Variants in SYNCRIP observed in about 807,000 individuals in gnomAD.
SYNCRIP encodes synaptotagmin binding cytoplasmic RNA interacting protein.
In SYNCRIP, 9 loss-of-function variants were observed where a neutral mutation model predicts 68.9. The ratio of observed to expected loss-of-function variants is 0.13; its 90% CI spans 0.08 to 0.23. SYNCRIP has a LOEUF of 0.23. SYNCRIP is among the 10% of genes least tolerant of loss of function. SYNCRIP has a pLI of 1.00. For missense variants in SYNCRIP, 414 were observed against 770.6 expected (o/e 0.54, Z 5.48); for synonymous variants, 258 against 254.0 (o/e 1.02, Z -0.15).
At chr6:85,612,656 A>G (rs1033313601), downstream of SYNCRIP, 6 of 377,032 alleles carry the variant, frequency 1.6e-5, no homozygotes, top group African/African-American at 1.0e-4. Context: ...TTGAAAATAG[A>G]GTAGCTTTAG....
downstream of SYNCRIP, chr6:85,612,186 A>C (rs1805303961): frequency 6.6e-6 from 1 of 152,150 alleles, no homozygotes; most frequent in South Asian, 2.1e-4. Context: ...CCCTCATATC[A>C]TATTTAACAA....
At chr6:85,613,308 A>G (rs1047359914), downstream of SYNCRIP, among the ~76,000 whole-genome samples, 11 of 152,352 alleles carry the variant, frequency 7.2e-5, no homozygotes, top group Admixed American at 4.6e-4. Context: ...TGCTGAAAGC[A>G]AACATCTCAG....
chr6:85,616,451 G>A (rs1005248800), intron 10 of SYNCRIP, among the ~76,000 whole-genome samples: 2 of 152,028 alleles, frequency 1.3e-5, no homozygotes, highest in Admixed American at 6.6e-5. Context: ...ACAGCCTCTC[G>A]AGTAGCTGGG....
At chr6:85,622,077 A>C (rs1044469471) in intron 8 of SYNCRIP, among the ~76,000 whole-genome samples, 4 of 151,916 alleles carry the variant, frequency 2.6e-5, no homozygotes, top group African/African-American at 9.7e-5. Flanking sequence ...GGTTTAAAAA[A>C]AAATGTGTCC....
chr6:85,622,905 T>C (rs1036569691), intron 7 of SYNCRIP, among the ~76,000 whole-genome samples: 5 of 152,342 alleles, frequency 3.3e-5, no homozygotes, highest in Non-Finnish European at 5.9e-5. Context: ...GAAAAGAACA[T>C]GTGCTCTTTT....
At chr6:85,640,781 T>C (rs1158465899) in intron 2 of SYNCRIP, among the ~76,000 whole-genome samples, 2 of 152,124 alleles carry the variant, frequency 1.3e-5, no homozygotes, top group African/African-American at 2.4e-5. Context: ...CTAACTTCTT[T>C]TACATCTTTT....
At chr6:85,632,440 A>C (rs188270154) in intron 6 of SYNCRIP, among the ~76,000 whole-genome samples, 5 of 152,338 alleles carry the variant, frequency 3.3e-5, no homozygotes, top group Non-Finnish European at 7.3e-5. Context: ...GATAGCTTCC[A>C]AAGTATGCGC....
chr6:85,623,808 T>C (rs1386424529), intron 7 of SYNCRIP, among the ~76,000 whole-genome samples, 169 bp downstream of exon 7: 1 of 152,186 alleles, frequency 6.6e-6, no homozygotes, highest in Non-Finnish European at 1.5e-5. Flanking sequence ...CCCAAATCCC[T>C]GAATGCCTGT....
chr6:85,640,026 G>A (rs781772609), intron 4 of SYNCRIP, among the ~76,000 whole-genome samples, 195 bp downstream of exon 4: 2 of 151,930 alleles, frequency 1.3e-5, no homozygotes, highest in Non-Finnish European at 2.9e-5. Flanking sequence ...ATCAGTAGCT[G>A]GATAACATGA....
chr6:85,619,041 G>C lies in SYNCRIP; in HGVS notation c.1159-102C>G, dbSNP rs1649833688. 9 of 1,282,518 alleles carry C rather than the reference G, an allele frequency of 7.0e-6. No homozygotes were observed. The East Asian group carries it at 1.9e-4, about 27-fold the overall frequency. The allele number at this position is 1,282,518 out of a possible 1,614,324, so 79.4% of individuals were successfully genotyped here. On this transcript the variant is annotated intron_variant, in intron 9 of 10. Transcript: ENST00000369622. ...TATCATTAATGTGGGAAGGACAAGA[G>C]AAAGCCCCATGCAGGCAGTCAAATA...
intron 6 of SYNCRIP, among the ~76,000 whole-genome samples, chr6:85,629,247 A>G (rs1424430182): frequency 6.6e-6 from 1 of 151,966 alleles, no homozygotes; most frequent in East Asian, 1.9e-4. Context: ...GACAACCCTA[A>G]TCCAGTCTCC....
At position 85,628,682 on chromosome 6, in the gene SYNCRIP, T is replaced by C. The variant is rs558912113; in HGVS notation, c.667-4570A>G. On this transcript the variant is annotated intron_variant, in intron 6 of 10. Coordinates refer to ENST00000369622, the MANE Select transcript of SYNCRIP (RefSeq NM_006372.5). ...ATACCACTCTTACATATTGTCTGTG[T>C]TACCCTAGGTTATTTGGCAACCACA... is the stretch of plus-strand genomic sequence containing the variant. 2.6e-5 allele frequency among the ~76,000 whole-genome samples: 4 copies of C among 152,352 alleles called. No individual in the cohort carries two copies. In the East Asian group the frequency reaches 7.7e-4, roughly 29 times the overall value.
rs763623119 is a variant in SYNCRIP at position 85,636,976 on chromosome 6, A to G, written c.657T>C (p.Ala219=). 2 of 1,596,082 alleles carry G rather than the reference A, an allele frequency of 1.3e-6. No individual in the cohort carries two copies. Among genetic ancestry groups the G allele is most frequent in the Non-Finnish European group, 8.5e-7 (1 of 1,174,896 alleles). ...TFCTKEAAQE[A]VKLYNNHEIR... is the part of the protein sequence containing the mutation. ...AAAAAGGACAACTTACCAGTTTAAC[A>G]GCCTCCTGAGCTGCTTCTTTTGTAC... Residue 219 remains alanine (A), a synonymous_variant, in exon 6 of 11, where the codon GCT becomes GCC. Coordinates refer to ENST00000369622, the MANE Select transcript of SYNCRIP (RefSeq NM_006372.5).
chr6:85,615,137 T>C lies in SYNCRIP; in HGVS notation c.1491A>G (p.Gly497=). The C allele has an allele frequency of 6.2e-7, 1 of 1,613,850 alleles. No individual in the cohort carries two copies. Among genetic ancestry groups the C allele is most frequent in the South Asian group, 1.1e-5 (1 of 91,054 alleles). ...GYEDFQVGAR[G]RGGRGARGAA... is the part of the protein sequence containing the mutation. ...CACCCCTTGCTCCTCTACCACCCCT[T>C]CCTCTAGCTCCAACTTGAAAATCTT... Residue 497 remains glycine (G), a synonymous_variant, in exon 11 of 11, where the codon GGA becomes GGG. Transcript: ENST00000369622.
intron 10 of SYNCRIP, among the ~76,000 whole-genome samples, chr6:85,617,773 A>C (rs1805947837): frequency 6.6e-6 from 1 of 152,238 alleles, no homozygotes; most frequent in South Asian, 2.1e-4. Context: ...TTTAAATTCC[A>C]AACAGGGCAA....
At chr6:85,627,197 G>A (rs1352841169) in intron 6 of SYNCRIP, among the ~76,000 whole-genome samples, 3 of 151,388 alleles carry the variant, frequency 2.0e-5, no homozygotes, top group East Asian at 1.9e-4. Flanking sequence ...GAAACTGGGC[G>A]GCAGGGGTTG....
At position 85,637,146 on chromosome 6, in the gene SYNCRIP, G is replaced by A; in HGVS notation, c.490-3C>T. ...CTTGGGATCTTTCCCACAAATATCT[G>A]TAAATTAAATATTAAGTAAAAACCA... On this transcript the variant is annotated splice_region_variant and splice_polypyrimidine_tract_variant and intron_variant, in intron 5 of 10. Coordinates refer to ENST00000369622, the MANE Select transcript of SYNCRIP (RefSeq NM_006372.5). 1 of 1,608,108 alleles carries A rather than the reference G, an allele frequency of 6.2e-7. No individual in the cohort carries two copies. Among genetic ancestry groups the A allele is most frequent in the Non-Finnish European group, 8.5e-7 (1 of 1,178,176 alleles).
intron 6 of SYNCRIP, among the ~76,000 whole-genome samples, chr6:85,630,466 A>T (rs952051888): frequency 2.0e-5 from 3 of 152,230 alleles, no homozygotes; most frequent in African/African-American, 7.2e-5. Context: ...TATTTCCGTT[A>T]TTTAAGATTG....
intron 6 of SYNCRIP, among the ~76,000 whole-genome samples, chr6:85,626,852 A>G (rs1157521498): frequency 6.6e-6 from 1 of 152,240 alleles, no homozygotes; most frequent in Non-Finnish European, 1.5e-5. Flanking sequence ...AAGTTAGCCA[A>G]GGCATGGTAG....
Sources: gnomAD v4.1 joint callset for allele counts (sites outside exome capture counted in the v4.1 genomes callset) on GRCh38, gnomAD v4.1.1 for gene constraint, MANE v1.5 for transcripts, NCBI Gene and HGNC (gene_info 2026-07-23, HGNC 2026-07-21) for gene names.